PATJ: variants seen among roughly 807,000 people sequenced by gnomAD.
PATJ encodes inaD-like protein.
Under a neutral mutation model 224.9 loss-of-function variants are expected in PATJ, and 190 were observed. The ratio of observed to expected loss-of-function variants is 0.84; its 90% CI spans 0.75 to 0.95. The LOEUF (loss-of-function observed/expected upper bound fraction) is 0.95. PATJ is among the 40% of genes least tolerant of loss of function. PATJ has a pLI of 0.00. For synonymous variants in PATJ, 769 were observed against 820.3 expected, an observed-to-expected ratio of 0.94 and a Z score of 1.07; for missense variants, 2,121 against 2,270.3, an observed-to-expected ratio of 0.93 and a Z score of 1.34.
chr1:62,078,014 T>A (rs757362001), intron 31 of PATJ, among the ~76,000 whole-genome samples: 4 of 152,246 alleles, frequency 2.6e-5, no homozygotes, highest in Non-Finnish European at 5.9e-5. Context: ...ATTGTTTTGT[T>A]GTTACTGCAC....
intron 29 of PATJ, among the ~76,000 whole-genome samples, chr1:62,030,761 A>T (rs1649099277): frequency 6.6e-6 from 1 of 152,230 alleles, no homozygotes; most frequent in Non-Finnish European, 1.5e-5. Flanking sequence ...TAATGTAAAT[A>T]GAATCAAACA....
chr1:61,853,354 T>G (rs1455041627), intron 17 of PATJ, among the ~76,000 whole-genome samples: 2 of 152,184 alleles, frequency 1.3e-5, no homozygotes, highest in African/African-American at 4.8e-5. Flanking sequence ...ATTTTTAAAT[T>G]TTGGTGTTAT....
rs746407074 is a variant in PATJ at position 61,787,801 on chromosome 1, A to C, written c.897A>C (p.Thr299=). 5.0e-6 allele frequency: 8 copies of C among 1,614,050 alleles called. No individual in the cohort carries two copies. The African/African-American group carries it at 9.3e-5, about 19-fold the overall frequency. ...ACCACATCTTGAAGATTGGTGGCACAAACGTGCAGGGAATGACCAGTGAGC... is the reference window on the plus strand; with the variant it reads ...ACCACATCTTGAAGATTGGTGGCACCAACGTGCAGGGAATGACCAGTGAGC... ...TGDHILKIGG[T]NVQGMTSEQV... The change falls in exon 8 of 44, where the codon ACA becomes ACC. Residue 299 remains threonine, a synonymous_variant. Transcript: ENST00000642238.
intron 27 of PATJ, among the ~76,000 whole-genome samples, chr1:61,969,201 A>G (rs1682597057): frequency 6.6e-6 from 1 of 152,126 alleles, no homozygotes; most frequent in East Asian, 1.9e-4. Context: ...GAGTGTGCAA[A>G]TATTTCTTCA....
At chr1:61,940,489 G>A (rs1480493098) in intron 27 of PATJ, among the ~76,000 whole-genome samples, 1 of 152,100 alleles carries the variant, frequency 6.6e-6, no homozygotes, top group African/African-American at 2.4e-5. Context: ...GGCCGAGATG[G>A]GCGGATCACG....
At chr1:62,145,819 A>C (rs7520269) in intron 41 of PATJ, among the ~76,000 whole-genome samples, 5 of 151,564 alleles carry the variant, frequency 3.3e-5, no homozygotes, top group Non-Finnish European at 7.4e-5. Flanking sequence ...TTAGCCAGGC[A>C]TGGTGGCATG....
At chr1:61,888,335 G>A (rs549591967) in intron 22 of PATJ, among the ~76,000 whole-genome samples, 5 of 152,086 alleles carry the variant, frequency 3.3e-5, no homozygotes, top group African/African-American at 4.8e-5. Context: ...GGAGTGCAGT[G>A]GGACCATCTC....
chr1:62,080,761 A>G (rs1420907503), intron 32 of PATJ, among the ~76,000 whole-genome samples: 1 of 150,992 alleles, frequency 6.6e-6, no homozygotes, highest in Non-Finnish European at 1.5e-5. Context: ...TGCCTTTTAT[A>G]TATTTTTTCA....
intron 27 of PATJ, among the ~76,000 whole-genome samples, chr1:61,931,213 G>A (rs545763678): frequency 5.3e-4 from 81 of 152,300 alleles, no homozygotes; most frequent in Middle Eastern, 3.4e-3. Context: ...TGGATGTTAT[G>A]CATTTGGGAG....
intron 17 of PATJ, among the ~76,000 whole-genome samples, chr1:61,838,003 C>A (rs993599143): frequency 6.6e-6 from 1 of 151,986 alleles, no homozygotes; most frequent in Non-Finnish European, 1.5e-5. Flanking sequence ...GGCCAAAGTA[C>A]AAAGTGTGAA....
intron 31 of PATJ, among the ~76,000 whole-genome samples, chr1:62,072,239 G>A (rs929989567): frequency 6.6e-6 from 1 of 152,126 alleles, no homozygotes; most frequent in African/African-American, 2.4e-5. Context: ...CCTCCGTGGG[G>A]TTTAGAGCTA....
chr1:62,008,426 G>C (rs1275383273), intron 28 of PATJ, among the ~76,000 whole-genome samples: 2 of 152,162 alleles, frequency 1.3e-5, no homozygotes, highest in African/African-American at 4.8e-5. Flanking sequence ...GTCATGGCTT[G>C]ATGAATGTGG....
intron 27 of PATJ, among the ~76,000 whole-genome samples, chr1:61,972,439 G>A (rs1683112939): frequency 6.6e-6 from 1 of 151,964 alleles, no homozygotes; most frequent in South Asian, 2.1e-4. Context: ...GGGATCTCAT[G>A]GGATTTTCTG....
chr1:62,116,426 G>T, intron 35 of PATJ, 106 bp from the exon 36 acceptor site: 1 of 1,314,562 alleles, frequency 7.6e-7, no homozygotes. Flanking sequence ...AACAAAACTG[G>T]AAGAAGAAAG....
intron 22 of PATJ, 69 bp downstream of exon 22, chr1:61,884,477 T>TA (rs1668552400): frequency 2.9e-6 from 3 of 1,019,414 alleles, no homozygotes; most frequent in Non-Finnish European, 4.0e-6. Flanking sequence ...TTTTTTTGCT[T>TA]AAAAAATGCG....
chr1:62,080,612 G>A (rs564127996), intron 32 of PATJ, among the ~76,000 whole-genome samples: 87 of 152,218 alleles, frequency 5.7e-4, no homozygotes, highest in African/African-American at 1.8e-3. Context: ...GATTACAGAC[G>A]TGAGCCACTG....
At chr1:62,140,604 G>C (rs1312661454) in intron 41 of PATJ, among the ~76,000 whole-genome samples, 2 of 152,018 alleles carry the variant, frequency 1.3e-5, no homozygotes, top group African/African-American at 4.8e-5. Context: ...AGTGAGCCGA[G>C]GTCATGTCAC....
At chr1:61,840,501 T>TA (rs944285802) in intron 17 of PATJ, among the ~76,000 whole-genome samples, 5 of 152,128 alleles carry the variant, frequency 3.3e-5, no homozygotes, top group African/African-American at 1.2e-4. Flanking sequence ...TATTTAATTT[T>TA]AAAAAAACTT....
chr1:62,029,450 A>G (rs1322030485), intron 29 of PATJ, among the ~76,000 whole-genome samples: 1 of 152,182 alleles, frequency 6.6e-6, no homozygotes, highest in Non-Finnish European at 1.5e-5. Context: ...AGTTTATATT[A>G]GAGTATCCCA....
Sources: gnomAD v4.1 joint callset for allele counts (sites outside exome capture counted in the v4.1 genomes callset) on GRCh38, gnomAD v4.1.1 for gene constraint, MANE v1.5 for transcripts, NCBI Gene and HGNC (gene_info 2026-07-23, HGNC 2026-07-21) for gene names.